Variants in AGMO observed in about 807,000 individuals in gnomAD.
AGMO encodes the protein alkylglycerol monooxygenase, also known as glyceryl-ether monooxygenase.
In AGMO, 75 loss-of-function variants were observed where a neutral mutation model predicts 60.2. The ratio of observed to expected loss-of-function variants is 1.25; its 90% CI spans 1.03 to 1.51. AGMO has a LOEUF of 1.51. AGMO is among the 40% of genes most tolerant of loss of function. The pLI, the probability that AGMO is intolerant of heterozygous loss-of-function variation, is 0.00. For synonymous variants in AGMO, 261 were observed against 177.1 expected (o/e 1.47, Z -3.76); for missense variants, 763 against 525.5 (o/e 1.45, Z -4.42).
chr7:15,464,801 C>G (rs1400326072), intron 3 of AGMO, among the ~76,000 whole-genome samples: 1 of 152,128 alleles, frequency 6.6e-6, no homozygotes, highest in East Asian at 1.9e-4. Context: ...AGAATAAATA[C>G]TGTTAGGGTA....
At chr7:15,385,324 G>C in intron 10 of AGMO, 122 bp downstream of exon 10, 2 of 630,546 alleles carry the variant, frequency 3.2e-6, no homozygotes, top group Non-Finnish European at 5.4e-6. Flanking sequence ...GTGAGACGTT[G>C]CCAAAATTAC....
At chr7:15,544,955 A>G (rs1337424854) in intron 2 of AGMO, 32 bp from the exon 3 acceptor site, 4 of 1,412,450 alleles carry the variant, frequency 2.8e-6, no homozygotes, top group Non-Finnish European at 3.8e-6. Flanking sequence ...CAGTGATTAT[A>G]TAACATTTTA....
chr7:15,194,575 G>C, the AGMO span, among the ~76,000 whole-genome samples: 4 of 152,076 alleles, frequency 2.6e-5, no homozygotes, highest in Non-Finnish European at 4.4e-5. Context: ...TCTGGTTTTT[G>C]TGCAATCAGT....
chr7:15,196,648 T>C (rs1013185588), downstream of AGMO, among the ~76,000 whole-genome samples: 3 of 152,216 alleles, frequency 2.0e-5, no homozygotes, highest in African/African-American at 7.2e-5. Flanking sequence ...AAATTCAGTG[T>C]TCCCAACAGT....
In AGMO at chr7:15,392,320, A is replaced by ACCTACC. The variant is rs199540801; in HGVS notation, c.677-1416_677-1415insGGTAGG. 4.1e-3 allele frequency among the ~76,000 whole-genome samples: 627 copies of ACCTACC among 151,428 alleles called. 3 individuals carry two copies. The highest frequency in any genetic ancestry group is 0.015 in the African/African-American group (600 of 41,250). ...TTATCTCCTGACCTCGTGATCCGCG[A>ACCTACC]TCCGCCTCCCAAAGTGTTGGGATTA... On this transcript the variant is annotated intron_variant, in intron 6 of 12. Coordinates refer to ENST00000342526, the MANE Select transcript of AGMO (RefSeq NM_001004320.2).
At chr7:15,133,541 G>C in the AGMO span, among the ~76,000 whole-genome samples, 1 of 152,254 alleles carries the variant, frequency 6.6e-6, no homozygotes, top group East Asian at 1.9e-4. Context: ...TAAGGACCAA[G>C]AGGCAAGTCA....
chr7:15,397,632 TTCTC>T (rs996895299), intron 5 of AGMO, among the ~76,000 whole-genome samples: 4 of 152,192 alleles, frequency 2.6e-5, no homozygotes, highest in East Asian at 3.9e-4. Flanking sequence ...CTCCCTCTCT[TTCTC>T]TTTCTTTTTT....
chr7:15,195,911 C>T (rs1220762831), downstream of AGMO, among the ~76,000 whole-genome samples: 1 of 152,060 alleles, frequency 6.6e-6, no homozygotes, highest in Admixed American at 6.6e-5. Flanking sequence ...CAATATTTTT[C>T]GACCACATCT....
At chr7:15,363,496 G>A (rs1283548584) in intron 12 of AGMO, among the ~76,000 whole-genome samples, 1 of 152,148 alleles carries the variant, frequency 6.6e-6, no homozygotes, top group Non-Finnish European at 1.5e-5. Context: ...ACCAAGAATA[G>A]GTAAGTGGTG....
chr7:15,384,865 T>A (rs534210396), intron 10 of AGMO, among the ~76,000 whole-genome samples: 1 of 151,190 alleles, frequency 6.6e-6, no homozygotes, highest in Non-Finnish European at 1.5e-5. Context: ...ATATACGTTA[T>A]TTTTGCTCTT....
intron 10 of AGMO, among the ~76,000 whole-genome samples, chr7:15,374,123 A>G (rs1014195305): frequency 6.6e-6 from 1 of 152,182 alleles, no homozygotes; most frequent in Non-Finnish European, 1.5e-5. Context: ...CAAGAGCAGA[A>G]TCCAATGTGA....
rs1562556793 is a variant in AGMO, at chr7:15,531,185, A to ATATATATTCTG, written c.409+13586_409+13587insCAGAATATATA. On this transcript the variant is annotated intron_variant, in intron 3 of 12. Coordinates refer to ENST00000342526, the MANE Select transcript of AGMO (RefSeq NM_001004320.2). ...TCTATATATATATTCTATATATTCT[A>ATATATATTCTG]TATATATTCTATATATATATTCTAT... Among the ~76,000 whole-genome samples, 302 of 88,038 alleles carry ATATATATTCTG rather than the reference A, an allele frequency of 3.4e-3. 32 individuals are homozygous for ATATATATTCTG. The highest frequency in any genetic ancestry group is 0.014 in the African/African-American group (272 of 18,812). 57.8% of individuals were successfully genotyped at this position (88,038 alleles called of 152,430 possible). A position where few individuals can be genotyped will look rare whatever the true frequency, so the allele number is the denominator to read the frequency against.
intron 5 of AGMO, 119 bp from the exon 6 acceptor site, chr7:15,394,298 A>G: frequency 2.6e-6 from 2 of 775,318 alleles, no homozygotes; most frequent in East Asian, 2.6e-5. Flanking sequence ...CAGGGTTGGT[A>G]TCAGAGAGTG....
chr7:15,203,198 T>A (rs1781350484), intron 12 of AGMO, among the ~76,000 whole-genome samples: 1 of 152,092 alleles, frequency 6.6e-6, no homozygotes, highest in Non-Finnish European at 1.5e-5. Flanking sequence ...AATTCTCCTC[T>A]TTTCCATTCT....
chr7:15,309,643 G>C (rs546968758), intron 12 of AGMO, among the ~76,000 whole-genome samples: 1 of 151,920 alleles, frequency 6.6e-6, no homozygotes, highest in African/African-American at 2.4e-5. Context: ...AATATTGTAG[G>C]TGCATATATA....
At chr7:15,174,903 G>A in the AGMO span, among the ~76,000 whole-genome samples, 1 of 151,774 alleles carries the variant, frequency 6.6e-6, no homozygotes, top group East Asian at 1.9e-4. Flanking sequence ...GGCAAAACTT[G>A]AATATAAGCC....
At chr7:15,179,408 AT>A in the AGMO span, among the ~76,000 whole-genome samples, 1 of 152,174 alleles carries the variant, frequency 6.6e-6, no homozygotes, top group Non-Finnish European at 1.5e-5. Flanking sequence ...AGACATTCCC[AT>A]TCTGAAAGTG....
rs559325810 is a variant in AGMO at position 15,539,529 on chromosome 7, T to C, written c.409+5243A>G. Among the ~76,000 whole-genome samples, 11 of 152,338 alleles carry C rather than the reference T, an allele frequency of 7.2e-5. No homozygotes were observed. The East Asian group carries it at 2.1e-3, about 29-fold the overall frequency. Reference sequence around the variant, plus strand: ...GTGTATATATACCACATTTTCTTTATCCAGTCTACCATTGGTGGGCATTTA... The same window carrying C: ...GTGTATATATACCACATTTTCTTTACCCAGTCTACCATTGGTGGGCATTTA... On this transcript the variant is annotated intron_variant, in intron 3 of 12. Coordinates refer to ENST00000342526, the MANE Select transcript of AGMO (RefSeq NM_001004320.2).
intron 12 of AGMO, among the ~76,000 whole-genome samples, chr7:15,246,129 T>G (rs1257245424): frequency 2.6e-5 from 4 of 152,218 alleles, no homozygotes. Context: ...ATGTAATAAT[T>G]CAAACTACAT....
Sources: allele counts gnomAD v4.1 joint callset (sites outside exome capture counted in the v4.1 genomes callset), GRCh38; gene constraint gnomAD v4.1.1; transcripts MANE v1.5; gene names NCBI Gene and HGNC (gene_info 2026-07-23, HGNC 2026-07-21).